Variants in CDK5RAP2 observed in about 807,000 individuals in gnomAD.
CDK5RAP2 encodes CDK5 regulatory subunit associated protein 2, also known as CDK5 regulatory subunit-associated protein 2.
A neutral mutation model predicts 232.9 loss-of-function variants in CDK5RAP2; 147 were observed. The ratio of observed to expected loss-of-function variants is 0.63; its 90% CI spans 0.55 to 0.72. CDK5RAP2 has a LOEUF of 0.72. Among genes scored for constraint, CDK5RAP2 ranks in the 30% least tolerant of loss-of-function variants. The pLI is 0.00. For missense variants in CDK5RAP2, 2,195 were observed against 2,231.5 expected, an observed-to-expected ratio of 0.98 and a Z score of 0.33; for synonymous variants, 833 against 833.7, an observed-to-expected ratio of 1.00 and a Z score of 0.01.
intron 1 of CDK5RAP2, among the ~76,000 whole-genome samples, chr9:120,574,517 C>T (rs896836889): frequency 6.6e-6 from 1 of 152,204 alleles, no homozygotes; most frequent in African/African-American, 2.4e-5. Context: ...GCCCAAAATC[C>T]AGGATCCCAG....
chr9:120,496,497 T>A (rs1364241352), intron 12 of CDK5RAP2, among the ~76,000 whole-genome samples: 32 of 119,646 alleles, frequency 2.7e-4, no homozygotes, highest in Non-Finnish European at 4.1e-4. Context: ...AGCCGCCCCG[T>A]CCGGGAGGGA....
At chr9:120,443,021 T>C (rs2035985453) in intron 23 of CDK5RAP2, among the ~76,000 whole-genome samples, 1 of 152,234 alleles carries the variant, frequency 6.6e-6, no homozygotes, top group Admixed American at 6.5e-5. Flanking sequence ...TCTGGTTGAA[T>C]GAGAACATGA....
At chr9:120,409,672 C>G (rs1158361897) in intron 29 of CDK5RAP2, among the ~76,000 whole-genome samples, 2 of 152,384 alleles carry the variant, frequency 1.3e-5, no homozygotes, top group South Asian at 2.1e-4. Context: ...TTCTACCAGC[C>G]TAGCACCAGG....
At chr9:120,456,942 G>A (rs778493817) in intron 20 of CDK5RAP2, among the ~76,000 whole-genome samples, 6 of 152,184 alleles carry the variant, frequency 3.9e-5, no homozygotes, top group Non-Finnish European at 7.3e-5. Context: ...ACTATAAGCA[G>A]AACCTTTTCT....
chr9:120,574,821 C>CT (rs35178148), intron 1 of CDK5RAP2, among the ~76,000 whole-genome samples: 130 of 128,532 alleles, frequency 1.0e-3, no homozygotes, highest in Non-Finnish European at 1.7e-3. Context: ...TTAATGTTGC[C>CT]TTTTTTTTTT....
chr9:120,521,984 C>A (rs2040687674), intron 11 of CDK5RAP2, among the ~76,000 whole-genome samples: 1 of 152,162 alleles, frequency 6.6e-6, no homozygotes, highest in African/African-American at 2.4e-5. Context: ...TCGGGTATGT[C>A]TTTATTAGCA....
chr9:120,541,362 TGTTTGA>T (rs2131996144), intron 5 of CDK5RAP2, among the ~76,000 whole-genome samples: 1 of 152,374 alleles, frequency 6.6e-6, no homozygotes, highest in African/African-American at 2.4e-5. Flanking sequence ...TTATTCAGTT[TGTTTGA>T]GTTTTAGTTA....
rs555589293 is a variant in CDK5RAP2, at chr9:120,542,322, T to A, written c.384-3158A>T. On this transcript the variant is annotated intron_variant, in intron 5 of 37. Transcript: ENST00000349780. ...GAGTTTGAGACCAGCCTGGCCAACA[T>A]GGTGAAACCCTGTCTCTACTAAAAA... 1.3e-4 allele frequency among the ~76,000 whole-genome samples: 20 copies of A among 152,206 alleles called. No homozygotes were observed. In the South Asian group the frequency reaches 3.9e-3, roughly 30 times the overall value.
intron 12 of CDK5RAP2, among the ~76,000 whole-genome samples, chr9:120,510,292 T>C (rs79532494): frequency 0.043 from 6,548 of 152,180 alleles, 492 homozygotes; most frequent in African/African-American, 0.15. Flanking sequence ...AGCCAGCAAA[T>C]GCATCCCCAC....
At chr9:120,557,360 T>C (rs950856920) in intron 3 of CDK5RAP2, among the ~76,000 whole-genome samples, 4 of 152,194 alleles carry the variant, frequency 2.6e-5, no homozygotes, top group African/African-American at 9.7e-5. Context: ...CTCGGCTTTC[T>C]ACCCACCCCC....
At chr9:120,485,453 C>T (rs1461914955) in intron 14 of CDK5RAP2, among the ~76,000 whole-genome samples, 1 of 152,088 alleles carries the variant, frequency 6.6e-6, no homozygotes, top group African/African-American at 2.4e-5. Flanking sequence ...TGCCACCACA[C>T]CCAGCTAATT....
chr9:120,403,606 G>A lies in CDK5RAP2; in HGVS notation c.5041+430C>T, dbSNP rs2033222242. 1 of 293,688 alleles carries A rather than the reference G, an allele frequency of 3.4e-6. No individual in the cohort carries two copies. The highest frequency in any genetic ancestry group is 6.6e-6 in the Non-Finnish European group (1 of 151,804). 18.2% of individuals were successfully genotyped at this position (293,688 alleles called of 1,614,324 possible). A position where few individuals can be genotyped will look rare whatever the true frequency, so the allele number is the denominator to read the frequency against. On this transcript the variant is annotated intron_variant, in intron 33 of 37. Transcript: ENST00000349780. This position sits in a 1 kb window ranked among gnomAD's most constrained non-coding sequence, Gnocchi z 4.2. Reference sequence around the variant, plus strand: ...TCACAGAGAAATGTGTATTCATGATGAGTCTTGAGGAAACGGGACTTCTAC... The same window carrying A: ...TCACAGAGAAATGTGTATTCATGATAAGTCTTGAGGAAACGGGACTTCTAC...
intron 25 of CDK5RAP2, among the ~76,000 whole-genome samples, chr9:120,432,473 T>C (rs2035340968): frequency 6.6e-6 from 1 of 152,240 alleles, no homozygotes; most frequent in African/African-American, 2.4e-5. Context: ...TCATGCTATA[T>C]GACTGCCTCG....
chr9:120,408,249 G>C lies in CDK5RAP2; in HGVS notation c.4726+98C>G, dbSNP rs1014855533. ...CCACTCTACCCACAAGGCCAGAGTG[G>C]AGAGGGCTGAGCTCTGCCCTCCTGT... On this transcript the variant is annotated intron_variant, in intron 31 of 37. Transcript: ENST00000349780. 5.7e-6 allele frequency: 8 copies of C among 1,411,012 alleles called. No individual in the cohort carries two copies. In the Admixed American group the frequency reaches 1.0e-4, roughly 18 times the overall value. 87.4% of individuals were successfully genotyped at this position (1,411,012 alleles called of 1,614,324 possible). A position where few individuals can be genotyped will look rare whatever the true frequency, so the allele number is the denominator to read the frequency against.
Position 120,484,111 on chromosome 9 carries a change from T to A in CDK5RAP2, c.1626+3183A>T, listed in dbSNP as rs146515359. 3.8e-3 allele frequency among the ~76,000 whole-genome samples: 574 copies of A among 152,268 alleles called. 4 individuals are homozygous for A. Among genetic ancestry groups the A allele is most frequent in the African/African-American group, 0.013 (543 of 41,552 alleles). On this transcript the variant is annotated intron_variant, in intron 14 of 37. Coordinates refer to ENST00000349780, the MANE Select transcript of CDK5RAP2 (RefSeq NM_018249.6). ...AGTCATCTAGCATTGATTCTCAGGA[T>A]CACACAATGATTAGAAGGAAAACAG...
intron 17 of CDK5RAP2, among the ~76,000 whole-genome samples, chr9:120,468,467 A>G (rs1472990270): frequency 2.0e-5 from 3 of 152,208 alleles, no homozygotes; most frequent in Non-Finnish European, 2.9e-5. Context: ...TCCTTTGTAC[A>G]CCTATCTGGC....
At chr9:120,443,776 T>C in intron 22 of CDK5RAP2, 34 bp from the exon 23 acceptor site, 1 of 1,612,962 alleles carries the variant, frequency 6.2e-7, no homozygotes. Context: ...GAAAAATAAA[T>C]AAAACCGTAA....
intron 26 of CDK5RAP2, among the ~76,000 whole-genome samples, chr9:120,421,490 C>G (rs2034565332): frequency 6.6e-6 from 1 of 152,234 alleles, no homozygotes; most frequent in Non-Finnish European, 1.5e-5. Context: ...CCCACTCGCT[C>G]TAACGATGCA....
chr9:120,441,432 A>T (rs1194241170), intron 23 of CDK5RAP2, among the ~76,000 whole-genome samples: 1 of 152,232 alleles, frequency 6.6e-6, no homozygotes, highest in African/African-American at 2.4e-5. Context: ...AAAAGAAAAA[A>T]AAGGCTAGCA....
Sources: gnomAD v4.1 joint callset for allele counts (sites outside exome capture counted in the v4.1 genomes callset) on GRCh38, gnomAD v4.1.1 for gene constraint, Gnocchi (gnomAD v3.1) non-coding constraint, MANE v1.5 for transcripts, NCBI Gene and HGNC (gene_info 2026-07-23, HGNC 2026-07-21) for gene names.